CELF4: variants seen among roughly 807,000 people sequenced by gnomAD.
The protein encoded by CELF4 is CUG-BP- and ETR-3-like factor 4.
In CELF4, 18 loss-of-function variants were observed where a neutral mutation model predicts 59.9. The ratio of observed to expected loss-of-function variants is 0.30; its 90% CI spans 0.21 to 0.45. The LOEUF is 0.45. Ranked by LOEUF, CELF4 falls within the 20% of genes least tolerant of loss-of-function variation. The pLI, the probability that CELF4 is intolerant of heterozygous loss-of-function variation, is 1.00. For synonymous variants in CELF4, 261 were observed against 267.1 expected (o/e 0.98, Z 0.22); for missense variants, 456 against 689.0 (o/e 0.66, Z 3.79).
intron 9 of CELF4, among the ~76,000 whole-genome samples, chr18:37,265,226 T>C (rs1257381782): frequency 6.6e-6 from 1 of 152,102 alleles, no homozygotes; most frequent in South Asian, 2.1e-4. Flanking sequence ...TGTACGTGTG[T>C]GCGCGCACGT....
intron 3 of CELF4, among the ~76,000 whole-genome samples, chr18:37,277,308 C>G (rs1170937298): frequency 6.6e-6 from 1 of 152,240 alleles, no homozygotes; most frequent in African/African-American, 2.4e-5. Context: ...AGCTAAAGCT[C>G]TGGACCCCAG....
chr18:37,481,589 T>C (rs576530850), intron 2 of CELF4, among the ~76,000 whole-genome samples: 20 of 152,300 alleles, frequency 1.3e-4, no homozygotes, highest in Non-Finnish European at 2.2e-4. Context: ...CTGTGCACAC[T>C]CAGGCCCCAG....
intron 1 of CELF4, among the ~76,000 whole-genome samples, chr18:37,544,788 C>T (rs928463754): frequency 1.3e-5 from 2 of 152,116 alleles, no homozygotes; most frequent in African/African-American, 4.8e-5. Flanking sequence ...GCTGTCATTC[C>T]CCCGAGGAAG....
At chr18:37,367,592 C>A (rs2098801337) in intron 2 of CELF4, among the ~76,000 whole-genome samples, 1 of 151,870 alleles carries the variant, frequency 6.6e-6, no homozygotes, top group African/African-American at 2.4e-5. Flanking sequence ...CCGGAAGGTG[C>A]AATGTGCAGG....
intron 8 of CELF4, among the ~76,000 whole-genome samples, chr18:37,267,291 C>T (rs192206052): frequency 4.2e-4 from 64 of 152,352 alleles, no homozygotes; most frequent in African/African-American, 1.3e-3. Context: ...TGGGATGTCT[C>T]CTGCCCAGTG....
At chr18:37,366,927 C>A (rs1402021144) in intron 2 of CELF4, among the ~76,000 whole-genome samples, 3 of 152,146 alleles carry the variant, frequency 2.0e-5, no homozygotes, top group Admixed American at 6.6e-5. Flanking sequence ...TTCTGGGTGG[C>A]CCCTTCTTGG....
intron 2 of CELF4, among the ~76,000 whole-genome samples, chr18:37,406,737 G>A (rs550637018): frequency 2.0e-5 from 3 of 152,326 alleles, no homozygotes; most frequent in South Asian, 2.1e-4. Flanking sequence ...CAGCCTTTGA[G>A]TGCAGGGCCC....
intron 2 of CELF4, among the ~76,000 whole-genome samples, chr18:37,367,547 G>A (rs537234704): frequency 6.6e-6 from 1 of 152,166 alleles, no homozygotes; most frequent in South Asian, 2.1e-4. Context: ...GGAAGGCCAC[G>A]GCTGAATTTC....
intron 2 of CELF4, among the ~76,000 whole-genome samples, chr18:37,435,238 G>A (rs564375380): frequency 4.6e-5 from 7 of 152,254 alleles, no homozygotes; most frequent in Non-Finnish European, 8.8e-5. Context: ...CTTTCTCTGT[G>A]AGCATCTAGA....
chr18:37,383,005 T>G (rs1320485458), intron 2 of CELF4, among the ~76,000 whole-genome samples: 4 of 145,050 alleles, frequency 2.8e-5, no homozygotes, highest in Non-Finnish European at 3.0e-5. Context: ...AACAATATTA[T>G]GTATGTAATA....
At chr18:37,476,881 A>T (rs955256501) in intron 2 of CELF4, among the ~76,000 whole-genome samples, 10 of 152,152 alleles carry the variant, frequency 6.6e-5, no homozygotes, top group African/African-American at 2.4e-4. Flanking sequence ...CCACATTCAC[A>T]CCTGCACCGG....
chr18:37,421,582 A>G (rs2099578546), intron 2 of CELF4, among the ~76,000 whole-genome samples: 1 of 152,194 alleles, frequency 6.6e-6, no homozygotes, highest in South Asian at 2.1e-4. Flanking sequence ...CCAGCCAGAC[A>G]GTGACCTGCT....
chr18:37,394,585 A>G (rs2099217044), intron 2 of CELF4, among the ~76,000 whole-genome samples: 1 of 152,190 alleles, frequency 6.6e-6, no homozygotes, highest in African/African-American at 2.4e-5. Flanking sequence ...CTGCCCGGCA[A>G]CGGGTAACTT....
At chr18:37,502,376 G>A (rs753194335) in intron 1 of CELF4, among the ~76,000 whole-genome samples, 2 of 152,138 alleles carry the variant, frequency 1.3e-5, no homozygotes, top group Non-Finnish European at 2.9e-5. Context: ...GAGCAAGAGC[G>A]GGAGGGAGGA....
At chr18:37,263,324 G>A (rs1038559021) in intron 10 of CELF4, among the ~76,000 whole-genome samples, 2 of 152,158 alleles carry the variant, frequency 1.3e-5, no homozygotes, top group African/African-American at 4.8e-5. Flanking sequence ...TCTGGCACTG[G>A]GGCCTGTCAA....
intron 5 of CELF4, 110 bp from the exon 6 acceptor site, chr18:37,274,564 A>C (rs748851199): frequency 3.8e-5 from 61 of 1,586,334 alleles, no homozygotes; most frequent in Non-Finnish European, 4.9e-5. Flanking sequence ...GCTTTGGAGG[A>C]GGCGGCATCG....
intron 2 of CELF4, among the ~76,000 whole-genome samples, chr18:37,438,176 C>T (rs1324953233): frequency 1.3e-5 from 2 of 152,184 alleles, no homozygotes; most frequent in African/African-American, 4.8e-5. Flanking sequence ...TTTGGTATGG[C>T]AGCCCAAGTT....
At chr18:37,416,022 C>G (rs910662510) in intron 2 of CELF4, among the ~76,000 whole-genome samples, 1 of 152,188 alleles carries the variant, frequency 6.6e-6, no homozygotes, top group South Asian at 2.1e-4. Context: ...TCTTTGGTAT[C>G]TTTCAGAAGG....
chr18:37,366,297 T>G (rs191445556), intron 2 of CELF4, among the ~76,000 whole-genome samples: 1 of 152,326 alleles, frequency 6.6e-6, no homozygotes, highest in East Asian at 1.9e-4. Flanking sequence ...TCACTGTCAC[T>G]GTAGTTATGT....
Sources: allele counts gnomAD v4.1 joint callset (sites outside exome capture counted in the v4.1 genomes callset), GRCh38; gene constraint gnomAD v4.1.1; transcripts MANE v1.5; gene names NCBI Gene and HGNC (gene_info 2026-07-23, HGNC 2026-07-21).